The following MYO5C variants were observed in gnomAD, a reference collection of about 807,000 sequenced individuals.
MYO5C encodes the protein myosin VC, also known as unconventional myosin-Vc.
Under a neutral mutation model 235.7 loss-of-function variants are expected in MYO5C, and 194 were observed. The observed-to-expected ratio is 0.82, with a 90% CI of 0.73 to 0.93. The LOEUF is 0.93. Among genes scored for constraint, MYO5C ranks in the 40% least tolerant of loss-of-function variants. The probability of loss-of-function intolerance (pLI) is 0.00; values close to 1 mark genes in which losing one functional copy is unlikely to be tolerated. For missense variants in MYO5C, 2,038 were observed against 2,127.2 expected, an observed-to-expected ratio of 0.96 and a Z score of 0.82; for synonymous variants, 707 against 754.8, an observed-to-expected ratio of 0.94 and a Z score of 1.04.
chr15:52,280,229 G>A (rs535340243), intron 2 of MYO5C, among the ~76,000 whole-genome samples: 1 of 152,312 alleles, frequency 6.6e-6, no homozygotes, highest in South Asian at 2.1e-4. Flanking sequence ...TGGTCTCTCC[G>A]TGAAAGGCCC....
At chr15:52,224,822 TA>T in intron 28 of MYO5C, 78 bp downstream of exon 28, 2 of 1,135,196 alleles carry the variant, frequency 1.8e-6, no homozygotes, top group South Asian at 1.4e-5. Context: ...TCAATCTATG[TA>T]AGGTAAACTT....
intron 1 of MYO5C, 126 bp downstream of exon 1, chr15:52,295,484 G>T: frequency 8.7e-7 from 1 of 1,151,194 alleles, no homozygotes; most frequent in Non-Finnish European, 1.1e-6. Flanking sequence ...CCCCCAGCGC[G>T]CGCCCGCCCG....
At chr15:52,271,081 T>G (rs2036915185) in intron 7 of MYO5C, among the ~76,000 whole-genome samples, 1 of 151,954 alleles carries the variant, frequency 6.6e-6, no homozygotes, top group African/African-American at 2.4e-5. Context: ...TCAAGGAAGG[T>G]CAAATTATGA....
intron 8 of MYO5C, among the ~76,000 whole-genome samples, chr15:52,267,031 C>T (rs1012042477): frequency 6.6e-6 from 1 of 152,214 alleles, no homozygotes; most frequent in African/African-American, 2.4e-5. Flanking sequence ...TGTCCAGGGC[C>T]AACCCGGCAC....
Position 52,218,499 on chromosome 15 carries a change from C to A in MYO5C, c.3954+20G>T. 6.2e-7 allele frequency: 1 copy of A among 1,611,858 alleles called. No homozygotes were observed. Among genetic ancestry groups the A allele is most frequent in the Non-Finnish European group, 8.5e-7 (1 of 1,178,480 alleles). ...TCTGCACACAGACAGTCTTTATCACCAAGTTAGAAGACTTCTCACCCTGTT... is the reference window on the plus strand; with the variant it reads ...TCTGCACACAGACAGTCTTTATCACAAAGTTAGAAGACTTCTCACCCTGTT... On this transcript the variant is annotated intron_variant, in intron 32 of 40. Transcript: ENST00000261839.
In MYO5C at chr15:52,198,562, T is replaced by C. The variant is rs558082221; in HGVS notation, c.4821-2079A>G. On this transcript the variant is annotated intron_variant, in intron 38 of 40. Coordinates refer to ENST00000261839, the MANE Select transcript of MYO5C (RefSeq NM_018728.4). ...TATTACTTTTGCTTAGTTTTTGTTGTTGTTGTTGTTGCTTTTTGTTTGTTT... is the reference window on the plus strand; with the variant it reads ...TATTACTTTTGCTTAGTTTTTGTTGCTGTTGTTGTTGCTTTTTGTTTGTTT... 2.6e-5 allele frequency among the ~76,000 whole-genome samples: 4 copies of C among 152,160 alleles called. No individual in the cohort carries two copies. The East Asian group carries it at 7.7e-4, about 29-fold the overall frequency.
chr15:52,222,468 C>T (rs866536877), intron 29 of MYO5C, among the ~76,000 whole-genome samples: 12 of 152,036 alleles, frequency 7.9e-5, no homozygotes, highest in East Asian at 7.7e-4. Flanking sequence ...GCTGGGAGAG[C>T]GGGGCGTCCT....
chr15:52,215,534 C>T (rs1302154803), intron 32 of MYO5C, among the ~76,000 whole-genome samples: 1 of 152,164 alleles, frequency 6.6e-6, no homozygotes, highest in African/African-American at 2.4e-5. Context: ...CTACTCTGTG[C>T]GGCCACCTCT....
chr15:52,263,265 T>G (rs1002762932), intron 9 of MYO5C, among the ~76,000 whole-genome samples: 1 of 152,244 alleles, frequency 6.6e-6, no homozygotes, highest in Non-Finnish European at 1.5e-5. Context: ...ATTTTTTACT[T>G]GTGTTTGTTT....
rs1346081786 is a variant in MYO5C at position 52,237,404 on chromosome 15, T to C, written c.2868+78A>G. On this transcript the variant is annotated intron_variant, in intron 22 of 40. Transcript: ENST00000261839. ...ATTTGCTCTGCAGAAATCCACTTCATAGGAAAAGCTGGCAGCGCTCATCTT... is the reference window on the plus strand; with the variant it reads ...ATTTGCTCTGCAGAAATCCACTTCACAGGAAAAGCTGGCAGCGCTCATCTT... The C allele has an allele frequency of 4.0e-6, 6 of 1,513,264 alleles. No individual in the cohort carries two copies. The East Asian group carries it at 6.8e-5, about 17-fold the overall frequency. The allele number at this position is 1,513,264 out of a possible 1,614,324, so 93.7% of individuals were successfully genotyped here.
chr15:52,224,167 C>G (rs1239085226), intron 28 of MYO5C, among the ~76,000 whole-genome samples: 1 of 152,108 alleles, frequency 6.6e-6, no homozygotes, highest in Non-Finnish European at 1.5e-5. Context: ...CCTGTAGTTC[C>G]AGCTACTTGG....
intron 40 of MYO5C, among the ~76,000 whole-genome samples, chr15:52,194,711 T>C (rs1358849619): frequency 6.6e-6 from 1 of 151,502 alleles, no homozygotes; most frequent in East Asian, 1.9e-4. Context: ...TATTATCATA[T>C]ATAACCATAT....
Position 52,223,656 on chromosome 15 carries a change from T to G in MYO5C, c.3515A>C (p.Lys1172Thr). Residue 1172 changes from lysine to threonine, a missense_variant, in exon 29 of 41, where the codon AAA becomes ACA. Physicochemically the swap from Lys to Thr is moderately conservative, Grantham distance 78. Transcript: ENST00000261839. ...GATTTCTTGACTGAGATGCACCACT[T>G]TGAAGTTCAAAGCTTCAATCTCCTT... ...YEKEIEALNF[K>T]VVHLSQEINH... is the part of the protein sequence containing the mutation. 1 of 1,614,194 alleles carries G rather than the reference T, an allele frequency of 6.2e-7. No individual in the cohort carries two copies. Among genetic ancestry groups the G allele is most frequent in the Non-Finnish European group, 8.5e-7 (1 of 1,180,030 alleles).
At chr15:52,263,897 T>C (rs1336659014) in intron 9 of MYO5C, among the ~76,000 whole-genome samples, 1 of 152,240 alleles carries the variant, frequency 6.6e-6, no homozygotes, top group East Asian at 1.9e-4. Flanking sequence ...TGTTCACTGC[T>C]GTTTCCCCAG....
intron 31 of MYO5C, 133 bp downstream of exon 31, chr15:52,219,626 A>C: frequency 1.5e-6 from 1 of 665,768 alleles, no homozygotes; most frequent in Non-Finnish European, 2.7e-6. Flanking sequence ...CCTTCCCATC[A>C]GAATGGCAAT....
At position 52,261,059 on chromosome 15, in the gene MYO5C, C is replaced by G; in HGVS notation, c.1116G>C (p.Trp372Cys). Reference sequence around the variant, plus strand: ...TTGTGACGATTTTGCGATTGCACAGCCACTGAGCAACTCTGCCACTCTCCA... The same window carrying G: ...TTGTGACGATTTTGCGATTGCACAGGCACTGAGCAACTCTGCCACTCTCCA... ...LGLESGRVAQ[W>C]LCNRKIVTSS... Residue 372 changes from tryptophan to cysteine, a missense_variant, in exon 10 of 41, where the codon TGG becomes TGC. Coordinates refer to ENST00000261839, the MANE Select transcript of MYO5C (RefSeq NM_018728.4). 6.2e-7 allele frequency: 1 copy of G among 1,614,212 alleles called. No homozygotes were observed. The highest frequency in any genetic ancestry group is 8.5e-7 in the Non-Finnish European group (1 of 1,180,024).
At chr15:52,249,203 T>C (rs1403520379) in intron 13 of MYO5C, among the ~76,000 whole-genome samples, 1 of 152,138 alleles carries the variant, frequency 6.6e-6, no homozygotes, top group African/African-American at 2.4e-5. Flanking sequence ...GTAGAAAGGA[T>C]AGAAAAACCG....
chr15:52,245,021 A>G (rs563975904), intron 18 of MYO5C, among the ~76,000 whole-genome samples: 2 of 152,352 alleles, frequency 1.3e-5, no homozygotes, highest in South Asian at 2.1e-4. Flanking sequence ...ACAAGGCACC[A>G]TGCCTGGAGC....
At chr15:52,215,193 A>G (rs1478135417) in intron 32 of MYO5C, among the ~76,000 whole-genome samples, 1 of 152,220 alleles carries the variant, frequency 6.6e-6, no homozygotes, top group African/African-American at 2.4e-5. Context: ...CCCATCATAG[A>G]GAATTTAAAA....
Sources: allele counts gnomAD v4.1 joint callset (sites outside exome capture counted in the v4.1 genomes callset), GRCh38; gene constraint gnomAD v4.1.1; transcripts MANE v1.5; gene names NCBI Gene and HGNC (gene_info 2026-07-23, HGNC 2026-07-21).